The following BRSK2 variants were observed in gnomAD, a reference collection of about 807,000 sequenced individuals.
The protein encoded by BRSK2 is serine/threonine-protein kinase BRSK2.
BRSK2 carries 19 observed loss-of-function variants against 83.3 expected under a neutral mutation model. The observed-to-expected ratio is 0.23, with a 90% CI of 0.16 to 0.33. The LOEUF (loss-of-function observed/expected upper bound fraction) is 0.33, where lower values mean the gene tolerates loss of function less well. Ranked by LOEUF, BRSK2 falls within the 10% of genes least tolerant of loss-of-function variation. The pLI is 1.00. For missense variants in BRSK2, 798 were observed against 1,042.3 expected (o/e 0.77, Z 3.23); for synonymous variants, 519 against 435.4 (o/e 1.19, Z -2.39).
At position 1,390,477 on chromosome 11, in the gene BRSK2, C is replaced by T. The variant is rs1845652326; in HGVS notation, c.91+102C>T. ...GGCCCCGGCCGCGAAGCCGCAGGCC[C>T]GGCCCGGGCCCCGGCCGCGAACAAT... On this transcript the variant is annotated intron_variant, in intron 1 of 19. Transcript: ENST00000528841. This position sits in a 1 kb window ranked among gnomAD's most constrained non-coding sequence, Gnocchi z 6.8. The T allele has an allele frequency of 1.7e-6, 1 of 581,352 alleles. No individual in the cohort carries two copies. The highest frequency in any genetic ancestry group is 2.1e-5 in the African/African-American group (1 of 48,448). The allele number at this position is 581,352 out of a possible 1,614,324, so 36.0% of individuals were successfully genotyped here. A position where few individuals can be genotyped will look rare whatever the true frequency, so the allele number is the denominator to read the frequency against.
At position 1,411,480 on chromosome 11, in the gene BRSK2, C is replaced by G. The variant is rs754333570; in HGVS notation, c.91+21105C>G. ...CATCTGTCCTTCCTCCCTCTGCTCC[C>G]CAAGAGAGCCCAGGTCTGGCCCAGC... is the stretch of plus-strand genomic sequence containing the variant. On this transcript the variant is annotated intron_variant, in intron 1 of 19. Coordinates refer to ENST00000528841, the MANE Select transcript of BRSK2 (RefSeq NM_001256627.2). 17 of 1,481,460 alleles carry G rather than the reference C, an allele frequency of 1.1e-5. No homozygotes were observed. The South Asian group carries it at 2.3e-4, about 20-fold the overall frequency. 91.8% of individuals were successfully genotyped at this position (1,481,460 alleles called of 1,614,324 possible). A position where few individuals can be genotyped will look rare whatever the true frequency, so the allele number is the denominator to read the frequency against.
At chr11:1,440,235 C>T (rs1162663055) in intron 3 of BRSK2, among the ~76,000 whole-genome samples, 2 of 152,144 alleles carry the variant, frequency 1.3e-5, no homozygotes, top group African/African-American at 4.8e-5. Context: ...GTGCTGGGAG[C>T]CCACCAGGGC....
Position 1,390,317 on chromosome 11 carries a change from G to C in BRSK2, c.33G>C (p.Gln11His). 9.5e-7 allele frequency: 1 copy of C among 1,049,426 alleles called. No individual in the cohort carries two copies. Among genetic ancestry groups the C allele is most frequent in the Non-Finnish European group, 1.2e-6 (1 of 861,504 alleles). 65.0% of individuals were successfully genotyped at this position (1,049,426 alleles called of 1,614,324 possible). The change falls in exon 1 of 20, where the codon CAG (glutamine) becomes CAC (histidine). Residue 11 changes from glutamine to histidine, a missense_variant. Gln to His is a conservative substitution (Grantham distance 24, BLOSUM62 0). This residue lies in a region of BRSK2 where 33 missense variants were observed against 30.8 expected (regional missense o/e 1.07). Transcript: ENST00000528841. This position sits in a 1 kb window ranked among gnomAD's most constrained non-coding sequence, Gnocchi z 6.8. Reference sequence around the variant, plus strand: ...CGACGGGGAAGGACGGCGGCGCGCAGCACGCGCAGTATGTTGGGCCCTACC... The same window carrying C: ...CGACGGGGAAGGACGGCGGCGCGCACCACGCGCAGTATGTTGGGCCCTACC... MTSTGKDGGA[Q>H]HAQYVGPYRL... is the part of the protein sequence containing the mutation.
chr11:1,423,741 G>A lies in BRSK2; in HGVS notation c.92-12299G>A, dbSNP rs1195524341. ...GTTCCGGGTGCCCCAGGCCTCCCCC[G>A]CTGGGCGTTCCGGGTGCCCCAGGCC... On this transcript the variant is annotated intron_variant, in intron 1 of 19. Transcript: ENST00000528841. The surrounding 1 kb of genome is among the most constrained non-coding windows in gnomAD (Gnocchi z 6.5). Among the ~76,000 whole-genome samples, 5 of 143,582 alleles carry A rather than the reference G, an allele frequency of 3.5e-5. No homozygotes were observed. Among genetic ancestry groups the A allele is most frequent in the East Asian group, 2.2e-4 (1 of 4,616 alleles). 94.2% of individuals were successfully genotyped at this position (143,582 alleles called of 152,430 possible). A position where few individuals can be genotyped will look rare whatever the true frequency, so the allele number is the denominator to read the frequency against.
chr11:1,413,868 A>G (rs1489577192), intron 1 of BRSK2, among the ~76,000 whole-genome samples: 1 of 152,120 alleles, frequency 6.6e-6, no homozygotes, highest in Non-Finnish European at 1.5e-5. Context: ...CGGGTGGGTA[A>G]GGGGCTGCTG....
At chr11:1,396,202 ACGTCCCC>A in intron 1 of BRSK2, among the ~76,000 whole-genome samples, 1 of 101,468 alleles carries the variant, frequency 9.9e-6, no homozygotes, top group African/African-American at 4.5e-5. Flanking sequence ...CCTTCCACCC[ACGTCCCC>A]CACTCCTGGT....
rs1185989613 is a variant in BRSK2, at chr11:1,443,644, C to T, written c.780+9C>T. ...CCGCACGCCGCCTCACGGTGCGTGCCCTCGGAGCGGGGCGGCCCCAGAGCG... is the reference window on the plus strand; with the variant it reads ...CCGCACGCCGCCTCACGGTGCGTGCTCTCGGAGCGGGGCGGCCCCAGAGCG... On this transcript the variant is annotated intron_variant, in intron 8 of 19. Coordinates refer to ENST00000528841, the MANE Select transcript of BRSK2 (RefSeq NM_001256627.2). 1 of 1,585,266 alleles carries T rather than the reference C, an allele frequency of 6.3e-7. No individual in the cohort carries two copies. The highest frequency in any genetic ancestry group is 8.6e-7 in the Non-Finnish European group (1 of 1,166,224).
rs79412681 is a variant in BRSK2, at chr11:1,416,943, G to A, written c.92-19097G>A. ...TGGGAGGTCAAGGAGGGCGGATCAC[G>A]AGGTCAGGCGTTCGAGACCAGCCTG... On this transcript the variant is annotated intron_variant, in intron 1 of 19. Coordinates refer to ENST00000528841, the MANE Select transcript of BRSK2 (RefSeq NM_001256627.2). Among the ~76,000 whole-genome samples, 282 of 152,226 alleles carry A rather than the reference G, an allele frequency of 1.9e-3. 7 individuals are homozygous for A. In the East Asian group the frequency reaches 0.046, roughly 25 times the overall value.
At chr11:1,421,662 C>T (rs1219466227) in intron 1 of BRSK2, among the ~76,000 whole-genome samples, 1 of 152,190 alleles carries the variant, frequency 6.6e-6, no homozygotes, top group Non-Finnish European at 1.5e-5. Flanking sequence ...GTGCTGAGGG[C>T]CTCGCTCCTT....
At chr11:1,428,193 A>T (rs1275865453) in intron 1 of BRSK2, among the ~76,000 whole-genome samples, 1 of 151,918 alleles carries the variant, frequency 6.6e-6, no homozygotes, top group Non-Finnish European at 1.5e-5. Context: ...CCTTTACCTG[A>T]GCCACTGCGA....
intron 3 of BRSK2, among the ~76,000 whole-genome samples, chr11:1,439,919 C>T (rs1564844927): frequency 6.6e-6 from 1 of 152,112 alleles, no homozygotes; most frequent in African/African-American, 2.4e-5. Context: ...GGGGGCTTCA[C>T]CACAACCTCT....
chr11:1,391,678 C>T (rs1845740528), intron 1 of BRSK2, among the ~76,000 whole-genome samples: 1 of 152,216 alleles, frequency 6.6e-6, no homozygotes, highest in African/African-American at 2.4e-5. Flanking sequence ...CAGCCCATGT[C>T]ACCTGAGTTC....
At chr11:1,418,733 C>G (rs979465314) in intron 1 of BRSK2, among the ~76,000 whole-genome samples, 5 of 152,260 alleles carry the variant, frequency 3.3e-5, no homozygotes, top group Non-Finnish European at 7.3e-5. Flanking sequence ...TTATTTAGAG[C>G]AGCAGTTCAG....
chr11:1,451,240 G>A (rs1397397607), intron 14 of BRSK2, 131 bp from the exon 15 acceptor site: 2 of 992,316 alleles, frequency 2.0e-6, no homozygotes, highest in Non-Finnish European at 1.5e-6. Flanking sequence ...GTGGACCAGT[G>A]CCCCTGGGGG....
chr11:1,460,579 CA>C lies in BRSK2; in HGVS notation c.2068del (p.Ser690AlafsTer167). 6.5e-7 allele frequency: 1 copy of C among 1,533,672 alleles called. No individual in the cohort carries two copies. The highest frequency in any genetic ancestry group is 8.7e-7 in the Non-Finnish European group (1 of 1,145,484). On this transcript the variant is annotated frameshift_variant, in exon 20 of 20. Coordinates refer to ENST00000528841, the MANE Select transcript of BRSK2 (RefSeq NM_001256627.2). LOFTEE classifies it high-confidence loss of function. Reference protein sequence around the residue: ...EKNGQAAQAPSTPAKRSAHGP... With the variant: ...EKNGQAAQAPXTPAKRSAHGP... ...AGAACGGGCAGGCGGCCCAGGCCCC[CA>C]GCACGCCCGCCAAGCGGAGTGCCCA... is the stretch of plus-strand genomic sequence containing the variant.
rs1318109627 is a variant in BRSK2 at position 1,445,741 on chromosome 11, C to G, written c.1076-16C>G. On this transcript the variant is annotated splice_polypyrimidine_tract_variant and intron_variant, in intron 11 of 19. Transcript: ENST00000528841. The stretch of plus-strand genomic sequence containing the variant: ...GGGTCCGGGGGCTGTCTGGCCTGAC[C>G]TTCGTCTGTACTCAGACCCTCCCCG... The G allele has an allele frequency of 1.3e-5, 21 of 1,610,998 alleles. No homozygotes were observed. The highest frequency in any genetic ancestry group is 8.5e-6 in the Non-Finnish European group (10 of 1,178,688).
intron 1 of BRSK2, among the ~76,000 whole-genome samples, chr11:1,424,856 C>A (rs1333013340): frequency 1.3e-5 from 2 of 152,168 alleles, no homozygotes; most frequent in Non-Finnish European, 2.9e-5. Flanking sequence ...AGCAGGACCC[C>A]CTGGCCTGCA....
rs377207446 is a variant in BRSK2, at chr11:1,406,545, TG to T, written c.91+16176del. Among the ~76,000 whole-genome samples, 1,400 of 152,048 alleles carry T rather than the reference TG, an allele frequency of 9.2e-3. 21 individuals carry two copies. The highest frequency in any genetic ancestry group is 0.031 in the African/African-American group (1,303 of 41,494). ...ACCCCAGAGAGCTCAGCAAATTGCATGGGGGGCGAGCGGAGCTGGTATTTGG... is the reference window on the plus strand; with the variant it reads ...ACCCCAGAGAGCTCAGCAAATTGCATGGGGGCGAGCGGAGCTGGTATTTGG... On this transcript the variant is annotated intron_variant, in intron 1 of 19. Coordinates refer to ENST00000528841, the MANE Select transcript of BRSK2 (RefSeq NM_001256627.2).
intron 1 of BRSK2, among the ~76,000 whole-genome samples, chr11:1,402,116 G>A (rs780240565): frequency 4.6e-5 from 7 of 152,210 alleles, no homozygotes; most frequent in Non-Finnish European, 7.3e-5. Flanking sequence ...GCAGAGCTGA[G>A]GGTGCCCCTG....
Sources: gnomAD v4.1 joint callset for allele counts (sites outside exome capture counted in the v4.1 genomes callset) on GRCh38, gnomAD v4.1.1 for gene constraint, gnomAD v4.1.1 regional missense constraint, Gnocchi (gnomAD v3.1) non-coding constraint, MANE v1.5 for transcripts, NCBI Gene and HGNC (gene_info 2026-07-23, HGNC 2026-07-21) for gene names.